The following ASMTL variants were observed in gnomAD, a reference collection of about 807,000 sequenced individuals.
The protein encoded by ASMTL is acetylserotonin O-methyltransferase like.
Under a neutral mutation model 60.3 loss-of-function variants are expected in ASMTL, and 57 were observed. That is an observed-to-expected ratio of 0.95 (90% CI 0.76 to 1.18). The LOEUF (loss-of-function observed/expected upper bound fraction) is 1.18, where lower values mean the gene tolerates loss of function less well. ASMTL is among the 50% of genes most tolerant of loss of function. ASMTL has a pLI of 0.00. For missense variants in ASMTL, 981 were observed against 852.6 expected (o/e 1.15, Z -1.88); for synonymous variants, 419 against 373.0 (o/e 1.12, Z -1.42).
intron 11 of ASMTL, among the ~76,000 whole-genome samples, chrX:1,417,523 G>GCACACACACACACACATGCA (rs374406800): frequency 4.0e-5 from 6 of 149,084 alleles, no homozygotes; most frequent in African/African-American, 1.5e-4. Flanking sequence ...ACACAGACAT[G>GCACACACACACACACATGCA]CACACACACA....
intron 1 of ASMTL, 106 bp downstream of exon 1, chrX:1,452,642 C>T: frequency 2.2e-6 from 2 of 914,658 alleles, no homozygotes; most frequent in African/African-American, 1.7e-5. Flanking sequence ...CTAAGGGTCT[C>T]GGGTCACTCT....
At chrX:1,412,374 C>T (rs1283985319) in intron 12 of ASMTL, among the ~76,000 whole-genome samples, 10 of 151,554 alleles carry the variant, frequency 6.6e-5, no homozygotes, top group East Asian at 2.0e-4. Flanking sequence ...ATTACAGGTG[C>T]GCACTACCAC....
At chrX:1,417,719 C>T (rs2090343900) in intron 11 of ASMTL, among the ~76,000 whole-genome samples, 1 of 20,750 alleles carries the variant, frequency 4.8e-5, no homozygotes, top group Middle Eastern at 0.029. Flanking sequence ...CATGCGGATG[C>T]AGACACACAC....
chrX:1,405,732 AGATGGATGGATG>A (rs373703853), intron 12 of ASMTL, among the ~76,000 whole-genome samples: 2 of 150,076 alleles, frequency 1.3e-5, no homozygotes, highest in African/African-American at 4.9e-5. Flanking sequence ...TGTATGGATG[AGATGGATGGATG>A]GGTGAATAGA....
chrX:1,447,555 C>T (rs1252396037), intron 1 of ASMTL, among the ~76,000 whole-genome samples: 1 of 151,498 alleles, frequency 6.6e-6, no homozygotes, highest in Non-Finnish European at 1.5e-5. Flanking sequence ...CTTGGACACA[C>T]ACGGCCATCT....
intron 2 of ASMTL, 92 bp downstream of exon 2, chrX:1,442,094 C>T (rs1280995403): frequency 1.9e-5 from 27 of 1,452,460 alleles, no homozygotes; most frequent in African/African-American, 1.7e-4. Context: ...TTTTGAATGA[C>T]GTTTATTTGT....
In ASMTL at chrX:1,421,716, C is replaced by A; in HGVS notation, c.1187G>T (p.Arg396Leu). ...NLFTYLEFAIREGTNQHHRAL... is the reference protein window; with the variant it reads ...NLFTYLEFAILEGTNQHHRAL... ...CCTGTGGTGCTGGTTTGTTCCCTCT[C>A]GGATGGCAAACTCCAGGTATGTAAA... is the stretch of plus-strand genomic sequence containing the variant. Residue 396 changes from arginine to leucine, a missense_variant, in exon 9 of 13, where the codon CGA (arginine) becomes CTA (leucine). Transcript: ENST00000381317. 1 of 1,613,914 alleles carries A rather than the reference C, an allele frequency of 6.2e-7. No individual in the cohort carries two copies. The highest frequency in any genetic ancestry group is 1.1e-5 in the South Asian group (1 of 91,070).
chrX:1,413,174 G>A (rs1310489758), intron 11 of ASMTL: 1 of 321,682 alleles, frequency 3.1e-6, no homozygotes, highest in Non-Finnish European at 6.0e-6. Context: ...ACCAGCCTGG[G>A]CAACACGGCG....
chrX:1,421,552 G>T, intron 9 of ASMTL, 106 bp downstream of exon 9: 1 of 1,264,414 alleles, frequency 7.9e-7, no homozygotes, highest in South Asian at 1.3e-5. Flanking sequence ...TTTGGGATCT[G>T]TCAGACTGGA....
intron 1 of ASMTL, among the ~76,000 whole-genome samples, chrX:1,449,067 C>T (rs185648597): frequency 2.0e-5 from 3 of 152,224 alleles, no homozygotes; most frequent in Non-Finnish European, 4.4e-5. Context: ...CATTCTAACA[C>T]CTCAGTCAAC....
chrX:1,419,437 G>A (rs1372460030), intron 9 of ASMTL, among the ~76,000 whole-genome samples: 1 of 152,178 alleles, frequency 6.6e-6, no homozygotes, highest in Non-Finnish European at 1.5e-5. Context: ...GGCTCCGGGT[G>A]GCCCACAAAC....
chrX:1,418,725 G>A (rs2090387568), intron 10 of ASMTL, among the ~76,000 whole-genome samples: 1 of 152,120 alleles, frequency 6.6e-6, no homozygotes, highest in African/African-American at 2.4e-5. Flanking sequence ...GGGAATCCAG[G>A]GGTTCCAAGG....
intron 10 of ASMTL, among the ~76,000 whole-genome samples, chrX:1,418,463 G>A (rs1467751862): frequency 6.6e-6 from 1 of 151,944 alleles, no homozygotes; most frequent in Non-Finnish European, 1.5e-5. Flanking sequence ...TTCTGCCCAG[G>A]GGTGGGGGCT....
intron 5 of ASMTL, among the ~76,000 whole-genome samples, chrX:1,434,402 A>G (rs2090902811): frequency 6.6e-6 from 1 of 151,466 alleles, no homozygotes. Context: ...AGGCGGGAGG[A>G]TCGCTGGAGC....
intron 8 of ASMTL, among the ~76,000 whole-genome samples, chrX:1,422,728 C>T (rs561130630): frequency 9.2e-5 from 14 of 152,214 alleles, no homozygotes; most frequent in African/African-American, 1.4e-4. Context: ...GTTTTCCCAC[C>T]GAGCTGACCC....
chrX:1,439,259 G>T, intron 2 of ASMTL, 115 bp from the exon 3 acceptor site: 1 of 1,044,534 alleles, frequency 9.6e-7, no homozygotes, highest in Non-Finnish European at 1.4e-6. Context: ...GGCCGACTTT[G>T]GAAGTGAAGG....
At chrX:1,403,616 A>C (rs1396356207) in intron 12 of ASMTL, 127 bp from the exon 13 acceptor site, 2 of 809,102 alleles carry the variant, frequency 2.5e-6, no homozygotes, top group East Asian at 2.6e-5. Context: ...ACCCTTGGCC[A>C]GGGGGCCCAC....
At chrX:1,405,634 A>C (rs1231731661) in intron 12 of ASMTL, among the ~76,000 whole-genome samples, 5 of 151,674 alleles carry the variant, frequency 3.3e-5, no homozygotes, top group African/African-American at 1.2e-4. Flanking sequence ...GAATGGATGG[A>C]TAGATGGATG....
At chrX:1,430,995 ATAT>A (rs1397067668) in intron 6 of ASMTL, among the ~76,000 whole-genome samples, 4,225 of 135,726 alleles carry the variant, frequency 0.031, 224 homozygotes, top group African/African-American at 0.11. Context: ...ATCACACTTT[ATAT>A]TATTATGTAA....
Sources: allele counts gnomAD v4.1 joint callset (sites outside exome capture counted in the v4.1 genomes callset), GRCh38; gene constraint gnomAD v4.1.1; transcripts MANE v1.5; gene names NCBI Gene and HGNC (gene_info 2026-07-23, HGNC 2026-07-21).